The following MND1 variants were observed in gnomAD, a reference collection of about 807,000 sequenced individuals.
MND1 encodes meiotic nuclear divisions 1.
MND1 carries 28 observed loss-of-function variants against 35.1 expected under a neutral mutation model. That is an observed-to-expected ratio of 0.80 (90% CI 0.59 to 1.09). MND1 has a LOEUF of 1.09. Among genes scored for constraint, MND1 ranks in the 50% least tolerant of loss-of-function variants. MND1 has a pLI of 0.00. For synonymous variants in MND1, 69 were observed against 70.5 expected (o/e 0.98, Z 0.11); for missense variants, 213 against 239.6 (o/e 0.89, Z 0.73).
intron 6 of MND1, among the ~76,000 whole-genome samples, chr4:153,399,924 C>T: frequency 2.2e-5 from 2 of 91,444 alleles, no homozygotes; most frequent in Non-Finnish European, 3.9e-5. Context: ...TTTTTGGAGA[C>T]AGGGCCTTGC....
intron 4 of MND1, among the ~76,000 whole-genome samples, chr4:153,367,736 T>G (rs1773692156): frequency 6.6e-6 from 1 of 152,238 alleles, no homozygotes; most frequent in South Asian, 2.1e-4. Flanking sequence ...ATGGTAACTC[T>G]GTGTTTAATT....
chr4:153,352,813 C>T (rs193060223), intron 2 of MND1, among the ~76,000 whole-genome samples: 1 of 150,768 alleles, frequency 6.6e-6, no homozygotes, highest in East Asian at 2.0e-4. Flanking sequence ...TGGTACCTTA[C>T]ACATAGTTCT....
chr4:153,368,276 A>C lies in MND1; in HGVS notation c.276+9654A>C, dbSNP rs912312024. Among the ~76,000 whole-genome samples, 4 of 152,200 alleles carry C rather than the reference A, an allele frequency of 2.6e-5. No homozygotes were observed. In the South Asian group the frequency reaches 8.3e-4, roughly 32 times the overall value. On this transcript the variant is annotated intron_variant, in intron 4 of 7. Transcript: ENST00000240488. ...CTCTCAGAAACCTCCTCAAGCTCTC[A>C]TTGCTTAAAATATTCTTACCCTTCT...
chr4:153,391,424 T>A (rs1247756736), intron 4 of MND1, among the ~76,000 whole-genome samples: 1 of 152,108 alleles, frequency 6.6e-6, no homozygotes, highest in Non-Finnish European at 1.5e-5. Flanking sequence ...GGGAACTCTT[T>A]TTTAAAAGAA....
chr4:153,398,821 A>T (rs1579948911), intron 6 of MND1, among the ~76,000 whole-genome samples: 1 of 152,342 alleles, frequency 6.6e-6, no homozygotes, highest in East Asian at 1.9e-4. Context: ...GGTGATCCTC[A>T]GTGAGCACAA....
intron 7 of MND1, among the ~76,000 whole-genome samples, chr4:153,409,827 T>C (rs752201671): frequency 6.6e-5 from 10 of 152,194 alleles, no homozygotes; most frequent in Non-Finnish European, 1.0e-4. Context: ...AAGGTAATGC[T>C]TTAGTGATAA....
chr4:153,359,317 T>G (rs1397577800), intron 4 of MND1, among the ~76,000 whole-genome samples: 1 of 152,228 alleles, frequency 6.6e-6, no homozygotes, highest in African/African-American at 2.4e-5. Context: ...CTTCCTTCCC[T>G]TAACAAAATG....
At chr4:153,395,725 G>A (rs1001515291) in intron 5 of MND1, among the ~76,000 whole-genome samples, 1 of 152,180 alleles carries the variant, frequency 6.6e-6, no homozygotes, top group African/African-American at 2.4e-5. Flanking sequence ...TGCTTTCAAG[G>A]AACTGGAGGC....
intron 2 of MND1, among the ~76,000 whole-genome samples, chr4:153,351,893 A>T (rs1773224292): frequency 6.6e-6 from 1 of 152,204 alleles, no homozygotes. Flanking sequence ...CAATGGTAAG[A>T]TACAGGGGGA....
At chr4:153,397,089 T>C (rs1313566840) in intron 5 of MND1, 130 bp from the exon 6 acceptor site, 2 of 578,562 alleles carry the variant, frequency 3.5e-6, no homozygotes, top group African/African-American at 1.9e-5. Context: ...TGTATACTTA[T>C]ATATATAATG....
intron 4 of MND1, among the ~76,000 whole-genome samples, chr4:153,368,771 A>T (rs928688563): frequency 6.6e-6 from 1 of 152,320 alleles, no homozygotes; most frequent in East Asian, 1.9e-4. Context: ...TTGTGGCCGA[A>T]TGTGTATTCT....
intron 4 of MND1, among the ~76,000 whole-genome samples, chr4:153,364,742 C>A (rs1013529224): frequency 2.6e-5 from 4 of 152,140 alleles, no homozygotes; most frequent in Non-Finnish European, 4.4e-5. Context: ...GATAGAGTCT[C>A]ACCCTGTTGC....
intron 4 of MND1, among the ~76,000 whole-genome samples, chr4:153,392,901 C>CT (rs1729085699): frequency 6.6e-6 from 1 of 152,132 alleles, no homozygotes; most frequent in African/African-American, 2.4e-5. Flanking sequence ...CGGAAGATTG[C>CT]TTGAGCCTAG....
In MND1 at chr4:153,407,694, G is replaced by C. The variant is rs112978876; in HGVS notation, c.467-1277G>C. Reference sequence around the variant, plus strand: ...TAAGCAAATTGTAAAATAGTACTTCGCATAAAAAAGAATGAGGTATTGATA... The same window carrying C: ...TAAGCAAATTGTAAAATAGTACTTCCCATAAAAAAGAATGAGGTATTGATA... On this transcript the variant is annotated intron_variant, in intron 6 of 7. Transcript: ENST00000240488. Among the ~76,000 whole-genome samples the C allele has an allele frequency of 1.5e-4, 23 of 152,218 alleles. 1 individual carries two copies. The highest frequency in any genetic ancestry group is 5.5e-4 in the African/African-American group (23 of 41,538).
At chr4:153,401,256 A>G (rs1349552731) in intron 6 of MND1, among the ~76,000 whole-genome samples, 2 of 152,170 alleles carry the variant, frequency 1.3e-5, no homozygotes, top group African/African-American at 4.8e-5. Flanking sequence ...TAAAATAAAA[A>G]TTTTAAAAAT....
chr4:153,368,385 C>T (rs1773708411), intron 4 of MND1, among the ~76,000 whole-genome samples: 1 of 152,146 alleles, frequency 6.6e-6, no homozygotes, highest in South Asian at 2.1e-4. Context: ...TCAACATTGT[C>T]CTCCTCTTCT....
chr4:153,344,986 C>T (rs1050363454), intron 1 of MND1, among the ~76,000 whole-genome samples: 1 of 152,196 alleles, frequency 6.6e-6, no homozygotes, highest in African/African-American at 2.4e-5. Flanking sequence ...GCGGCCTCCC[C>T]GCCGGCTGCA....
At chr4:153,410,836 C>G (rs1364553916) in intron 7 of MND1, among the ~76,000 whole-genome samples, 2 of 151,924 alleles carry the variant, frequency 1.3e-5, no homozygotes, top group Non-Finnish European at 2.9e-5. Flanking sequence ...ACTAAAAATA[C>G]AAAAATTAGC....
At chr4:153,397,785 T>A (rs1729239924) in intron 6 of MND1, among the ~76,000 whole-genome samples, 1 of 152,088 alleles carries the variant, frequency 6.6e-6, no homozygotes. Context: ...GCCATTGCAC[T>A]CCAGCTAGGG....
Sources: allele counts gnomAD v4.1 joint callset (sites outside exome capture counted in the v4.1 genomes callset), GRCh38; gene constraint gnomAD v4.1.1; transcripts MANE v1.5; gene names NCBI Gene and HGNC (gene_info 2026-07-23, HGNC 2026-07-21).